The following IMMP2L variants were observed in gnomAD, a reference collection of about 807,000 sequenced individuals.
IMMP2L encodes mitochondrial inner membrane protease subunit 2.
In IMMP2L, 18 loss-of-function variants were observed where a neutral mutation model predicts 19.3. The observed-to-expected ratio is 0.93, with a 90% CI of 0.64 to 1.38. The LOEUF (loss-of-function observed/expected upper bound fraction) is 1.38, where lower values mean the gene tolerates loss of function less well. IMMP2L is among the 40% of genes most tolerant of loss of function. The pLI, the probability that IMMP2L is intolerant of heterozygous loss-of-function variation, is 0.00. For missense variants in IMMP2L, 233 were observed against 218.2 expected, an observed-to-expected ratio of 1.07 and a Z score of -0.43; for synonymous variants, 76 against 73.0, an observed-to-expected ratio of 1.04 and a Z score of -0.21.
At chr7:110,675,156 A>T (rs535197678) in intron 5 of IMMP2L, among the ~76,000 whole-genome samples, 2 of 152,140 alleles carry the variant, frequency 1.3e-5, no homozygotes, top group Non-Finnish European at 2.9e-5. Context: ...GCTATCATCC[A>T]GTGTTTTCTC....
At chr7:111,064,263 C>T (rs1199045562) in intron 3 of IMMP2L, among the ~76,000 whole-genome samples, 1 of 152,150 alleles carries the variant, frequency 6.6e-6, no homozygotes, top group Non-Finnish European at 1.5e-5. Context: ...AACCTGCCCC[C>T]ATAATTCAAT....
Position 110,912,775 on chromosome 7 carries a change from T to A in IMMP2L, c.306-26080A>T, listed in dbSNP as rs568058830. Among the ~76,000 whole-genome samples the A allele has an allele frequency of 9.2e-5, 14 of 152,198 alleles. No homozygotes were observed. The South Asian group carries it at 2.5e-3, about 27-fold the overall frequency. ...TAGTTGCTACTTGCTCCTAAGTTGA[T>A]AATCAAGGTCTACATCTAGCCTGAA... On this transcript the variant is annotated intron_variant, in intron 4 of 5. Coordinates refer to ENST00000405709, the MANE Select transcript of IMMP2L (RefSeq NM_032549.4).
chr7:110,719,263 T>C (rs1410038053), intron 5 of IMMP2L, among the ~76,000 whole-genome samples: 1 of 152,188 alleles, frequency 6.6e-6, no homozygotes, highest in African/African-American at 2.4e-5. Context: ...CCATCTGACA[T>C]AGGCCTTGTG....
At chr7:111,386,753 GT>G (rs1584904972) in intron 3 of IMMP2L, among the ~76,000 whole-genome samples, 1 of 152,156 alleles carries the variant, frequency 6.6e-6, no homozygotes, top group East Asian at 1.9e-4. Flanking sequence ...CATATCATGT[GT>G]GCTCCCTGTG....
At position 110,804,935 on chromosome 7, in the gene IMMP2L, A is replaced by G. The variant is rs573773446; in HGVS notation, c.408+81658T>C. The stretch of plus-strand genomic sequence containing the variant: ...TAACATTTTTGTTTCAGCGCTTTAC[A>G]TTAGCTTAAACATTTATAGACAGCT... On this transcript the variant is annotated intron_variant, in intron 5 of 5. Coordinates refer to ENST00000405709, the MANE Select transcript of IMMP2L (RefSeq NM_032549.4). Among the ~76,000 whole-genome samples the G allele has an allele frequency of 4.9e-4, 75 of 152,202 alleles. 1 individual carries two copies. In the Middle Eastern group the frequency reaches 0.01, roughly 21 times the overall value.
chr7:111,242,813 T>C (rs975158284), intron 3 of IMMP2L, among the ~76,000 whole-genome samples: 2 of 152,018 alleles, frequency 1.3e-5, no homozygotes, highest in Non-Finnish European at 2.9e-5. Flanking sequence ...AGAGAATTTG[T>C]CTATAAATTT....
chr7:110,781,304 G>A (rs1471542320), intron 5 of IMMP2L, among the ~76,000 whole-genome samples: 1 of 151,830 alleles, frequency 6.6e-6, no homozygotes, highest in Non-Finnish European at 1.5e-5. Flanking sequence ...ACAATACTGA[G>A]TACAAATTCC....
At chr7:111,093,064 T>G (rs1477070555) in intron 3 of IMMP2L, among the ~76,000 whole-genome samples, 4 of 152,350 alleles carry the variant, frequency 2.6e-5, no homozygotes, top group African/African-American at 7.2e-5. Context: ...TGAGTCAGTT[T>G]ACAACATGTA....
chr7:111,016,730 A>T (rs1378773269), intron 3 of IMMP2L, among the ~76,000 whole-genome samples: 18 of 98,024 alleles, frequency 1.8e-4, no homozygotes, highest in Non-Finnish European at 1.8e-4. Context: ...TTATATATAA[A>T]ATATATATAT....
In IMMP2L at chr7:110,728,216, C is replaced by T. The variant is rs573388419; in HGVS notation, c.409-64495G>A. Among the ~76,000 whole-genome samples the T allele has an allele frequency of 2.5e-4, 38 of 152,208 alleles. No individual in the cohort carries two copies. The highest frequency in any genetic ancestry group is 8.2e-4 in the African/African-American group (34 of 41,530). On this transcript the variant is annotated intron_variant, in intron 5 of 5. Transcript: ENST00000405709. This position sits in a 1 kb window ranked among gnomAD's most constrained non-coding sequence, Gnocchi z 4.6. ...TCAATATTATTAATAATCTTAAAGG[C>T]GACTGGGAGTGGTGGTTCACGCCTG...
chr7:111,223,790 C>T (rs762419434), intron 3 of IMMP2L, among the ~76,000 whole-genome samples: 41 of 151,996 alleles, frequency 2.7e-4, no homozygotes, highest in Non-Finnish European at 5.6e-4. Flanking sequence ...AGAAAGTAAC[C>T]TTCATGGTTA....
intron 5 of IMMP2L, among the ~76,000 whole-genome samples, chr7:110,687,282 T>C (rs574169810): frequency 9.9e-5 from 15 of 152,194 alleles, no homozygotes; most frequent in African/African-American, 3.4e-4. Flanking sequence ...TTTTAAAAAA[T>C]GACTCTCTTC....
chr7:111,178,337 G>A (rs1290984181), intron 3 of IMMP2L, among the ~76,000 whole-genome samples: 4 of 151,966 alleles, frequency 2.6e-5, no homozygotes, highest in Non-Finnish European at 4.4e-5. Context: ...CTGAGCGTTC[G>A]GCCAGTTGTA....
At chr7:111,378,595 T>A (rs1830908823) in intron 3 of IMMP2L, among the ~76,000 whole-genome samples, 1 of 151,994 alleles carries the variant, frequency 6.6e-6, no homozygotes. Flanking sequence ...AGTCTTTCTA[T>A]CTCTAAAATC....
chr7:111,165,262 T>G (rs1375178024), intron 3 of IMMP2L, among the ~76,000 whole-genome samples: 1 of 152,088 alleles, frequency 6.6e-6, no homozygotes, highest in African/African-American at 2.4e-5. Context: ...TTTCTTCTTT[T>G]TTAAAGCTGA....
intron 5 of IMMP2L, among the ~76,000 whole-genome samples, chr7:110,808,116 A>G (rs1801756390): frequency 1.3e-5 from 2 of 152,204 alleles, no homozygotes; most frequent in South Asian, 4.1e-4. Flanking sequence ...TTACATTTCA[A>G]TAATTACATT....
intron 3 of IMMP2L, among the ~76,000 whole-genome samples, chr7:111,337,055 T>C (rs375847649): frequency 1.3e-5 from 2 of 152,054 alleles, no homozygotes; most frequent in East Asian, 1.9e-4. Flanking sequence ...CAAGCCTACA[T>C]TGTTATTATT....
At chr7:111,547,512 C>T (rs923251138) in intron 1 of IMMP2L, among the ~76,000 whole-genome samples, 2 of 150,396 alleles carry the variant, frequency 1.3e-5, no homozygotes, top group African/African-American at 2.5e-5. Flanking sequence ...CATACCCCCC[C>T]CCCCTTTTTA....
intron 2 of IMMP2L, among the ~76,000 whole-genome samples, chr7:111,497,483 A>T (rs2132387295): frequency 6.6e-6 from 1 of 152,304 alleles, no homozygotes; most frequent in East Asian, 1.9e-4. Context: ...TTAAAAAATG[A>T]TTGTAAAAAT....
Sources: gnomAD v4.1 joint callset for allele counts (sites outside exome capture counted in the v4.1 genomes callset) on GRCh38, gnomAD v4.1.1 for gene constraint, Gnocchi (gnomAD v3.1) non-coding constraint, MANE v1.5 for transcripts, NCBI Gene and HGNC (gene_info 2026-07-23, HGNC 2026-07-21) for gene names.